The following ZMAT4 variants were observed in gnomAD, a reference collection of about 807,000 sequenced individuals.
The protein encoded by ZMAT4 is zinc finger matrin-type 4.
Under a neutral mutation model 28.7 loss-of-function variants are expected in ZMAT4, and 17 were observed. That is an observed-to-expected ratio of 0.59 (90% CI 0.41 to 0.89). The LOEUF (loss-of-function observed/expected upper bound fraction) is 0.89, where lower values mean the gene tolerates loss of function less well. Among genes scored for constraint, ZMAT4 ranks in the 40% least tolerant of loss-of-function variants. The pLI, the probability that ZMAT4 is intolerant of heterozygous loss-of-function variation, is 0.00. For missense variants in ZMAT4, 240 were observed against 283.8 expected (o/e 0.85, Z 1.11); for synonymous variants, 117 against 109.2 (o/e 1.07, Z -0.44).
At chr8:40,683,991 C>T (rs1034035142) in intron 4 of ZMAT4, among the ~76,000 whole-genome samples, 1 of 151,832 alleles carries the variant, frequency 6.6e-6, no homozygotes, top group African/African-American at 2.4e-5. Flanking sequence ...TTGCTTGATC[C>T]CATAAGGTCA....
intron 2 of ZMAT4, among the ~76,000 whole-genome samples, chr8:40,777,639 G>T (rs1813653770): frequency 6.6e-6 from 1 of 152,206 alleles, no homozygotes; most frequent in Admixed American, 6.5e-5. Flanking sequence ...GATCACCTGG[G>T]ATCACTGAGA....
intron 3 of ZMAT4, among the ~76,000 whole-genome samples, chr8:40,732,785 G>A (rs1316044846): frequency 6.8e-6 from 1 of 146,630 alleles, no homozygotes; most frequent in Non-Finnish European, 1.5e-5. Context: ...GAAAAAGGCA[G>A]ACACTGGGAA....
intron 5 of ZMAT4, among the ~76,000 whole-genome samples, chr8:40,630,939 C>T (rs147437105): frequency 2.8e-4 from 43 of 152,042 alleles, no homozygotes; most frequent in African/African-American, 9.6e-4. Flanking sequence ...ACTATCACTT[C>T]AACATGTAAT....
At chr8:40,544,071 A>G (rs35223597) in intron 6 of ZMAT4, among the ~76,000 whole-genome samples, 3,204 of 152,248 alleles carry the variant, frequency 0.021, 51 homozygotes, top group Non-Finnish European at 0.029. Flanking sequence ...GGAGGTGCAC[A>G]TGTGTGGGAG....
intron 2 of ZMAT4, among the ~76,000 whole-genome samples, chr8:40,780,071 C>G (rs4737174): frequency 0.39 from 59,561 of 151,914 alleles, 12,326 homozygotes; most frequent in Middle Eastern, 0.48. Flanking sequence ...CCTTCACAAC[C>G]TTGCCCTTTA....
At chr8:40,871,232 C>T (rs1817843621) in intron 1 of ZMAT4, among the ~76,000 whole-genome samples, 2 of 152,140 alleles carry the variant, frequency 1.3e-5, no homozygotes, top group African/African-American at 2.4e-5. Flanking sequence ...TGCTACAGAG[C>T]AAATAAAGAG....
At chr8:40,581,108 C>T in intron 6 of ZMAT4, 57 bp downstream of exon 6, 5 of 1,387,836 alleles carry the variant, frequency 3.6e-6, no homozygotes, top group Non-Finnish European at 4.1e-6. Flanking sequence ...AGCCTTTAGT[C>T]ATCTTACTAA....
intron 2 of ZMAT4, among the ~76,000 whole-genome samples, chr8:40,771,209 A>G (rs1437062671): frequency 6.6e-6 from 1 of 150,988 alleles, no homozygotes; most frequent in Admixed American, 6.6e-5. Context: ...TGTATATTAT[A>G]TATATACATA....
At chr8:40,842,663 C>T (rs1319260615) in intron 1 of ZMAT4, among the ~76,000 whole-genome samples, 1 of 152,214 alleles carries the variant, frequency 6.6e-6, no homozygotes, top group African/African-American at 2.4e-5. Flanking sequence ...AGGCACTTCT[C>T]ATCACTTAAT....
chr8:40,722,837 A>G (rs2150518915), intron 3 of ZMAT4, among the ~76,000 whole-genome samples: 1 of 152,284 alleles, frequency 6.6e-6, no homozygotes, highest in Non-Finnish European at 1.5e-5. Context: ...AAGTGCTCAC[A>G]TACATCTCCA....
chr8:40,718,689 G>T (rs536708762), intron 3 of ZMAT4, among the ~76,000 whole-genome samples: 7 of 152,238 alleles, frequency 4.6e-5, no homozygotes, highest in African/African-American at 1.7e-4. Flanking sequence ...CTCCATGACA[G>T]TGACAGAGAC....
At chr8:40,885,871 C>T (rs1818434370) in intron 1 of ZMAT4, among the ~76,000 whole-genome samples, 1 of 152,226 alleles carries the variant, frequency 6.6e-6, no homozygotes, top group African/African-American at 2.4e-5. Context: ...CCCTGTTCCC[C>T]TTGTGGGGCT....
rs748176093 is a variant in ZMAT4, at chr8:40,531,470, T to A, written c.*753A>T. The A allele has an allele frequency of 6.6e-6, 1 of 152,526 alleles. No homozygotes were observed. The highest frequency in any genetic ancestry group is 1.5e-5 in the Non-Finnish European group (1 of 68,032). The allele number at this position is 152,526 out of a possible 1,614,324, so 9.4% of individuals were successfully genotyped here. ...TTTTGGATGCTTTTGGGGAAAAAAA[T>A]TCACCAAGGTCAAGGGCTGTGAAGA... On this transcript the variant is annotated 3_prime_UTR_variant, in exon 7 of 7. Coordinates refer to ENST00000297737, the MANE Select transcript of ZMAT4 (RefSeq NM_024645.3).
intron 1 of ZMAT4, among the ~76,000 whole-genome samples, chr8:40,870,165 C>A (rs1817804198): frequency 6.6e-6 from 1 of 152,256 alleles, no homozygotes; most frequent in South Asian, 2.1e-4. Context: ...AAGGGCTGCT[C>A]CAGACAACTT....
chr8:40,885,706 A>G (rs1296894910), intron 1 of ZMAT4, among the ~76,000 whole-genome samples: 1 of 152,110 alleles, frequency 6.6e-6, no homozygotes, highest in African/African-American at 2.4e-5. Flanking sequence ...AAGGAAGCAC[A>G]CCCTGTCCTC....
At chr8:40,830,223 CTTGT>C (rs1563513407) in intron 1 of ZMAT4, among the ~76,000 whole-genome samples, 1 of 152,096 alleles carries the variant, frequency 6.6e-6, no homozygotes, top group Non-Finnish European at 1.5e-5. Flanking sequence ...GGTACAGGTG[CTTGT>C]TTGTTACATA....
intron 5 of ZMAT4, among the ~76,000 whole-genome samples, chr8:40,588,965 G>A (rs1340942975): frequency 6.6e-6 from 1 of 152,104 alleles, no homozygotes; most frequent in Non-Finnish European, 1.5e-5. Flanking sequence ...GTTCACTAAA[G>A]CTGGAACTAT....
chr8:40,732,713 T>A (rs1811592227), intron 3 of ZMAT4, among the ~76,000 whole-genome samples: 1 of 152,022 alleles, frequency 6.6e-6, no homozygotes, highest in Non-Finnish European at 1.5e-5. Flanking sequence ...TAGGCCTTCA[T>A]CATCTCTTCC....
At position 40,878,388 on chromosome 8, in the gene ZMAT4, GA is replaced by G. The variant is rs566311014; in HGVS notation, c.-5+19294del. 3.4e-3 allele frequency among the ~76,000 whole-genome samples: 519 copies of G among 151,710 alleles called. 1 individual carries two copies. The highest frequency in any genetic ancestry group is 0.012 in the African/African-American group (492 of 41,402). ...AACACTGGGGACATCTGCACTAAAA[GA>G]AAAAAAACACTATTTCTACAATATT... On this transcript the variant is annotated intron_variant, in intron 1 of 6. Coordinates refer to ENST00000297737, the MANE Select transcript of ZMAT4 (RefSeq NM_024645.3).
Sources: gnomAD v4.1 joint callset for allele counts (sites outside exome capture counted in the v4.1 genomes callset) on GRCh38, gnomAD v4.1.1 for gene constraint, MANE v1.5 for transcripts, NCBI Gene and HGNC (gene_info 2026-07-23, HGNC 2026-07-21) for gene names.